The following PAPSS2 variants were observed in gnomAD, a reference collection of about 807,000 sequenced individuals.
PAPSS2 encodes 3'-phosphoadenosine 5'-phosphosulfate synthase 2.
PAPSS2 carries 61 observed loss-of-function variants against 66.5 expected under a neutral mutation model. That is an observed-to-expected ratio of 0.92 (90% confidence interval 0.75 to 1.14). The LOEUF (loss-of-function observed/expected upper bound fraction) is 1.14, where lower values mean the gene tolerates loss of function less well. PAPSS2 is among the 50% of genes most tolerant of loss of function. PAPSS2 has a pLI of 0.00. For missense variants in PAPSS2, 708 were observed against 789.6 expected (o/e 0.90, Z 1.24); for synonymous variants, 289 against 287.5 (o/e 1.01, Z -0.05).
At chr10:87,665,579 C>T (rs1191757148) in intron 1 of PAPSS2, among the ~76,000 whole-genome samples, 1 of 152,210 alleles carries the variant, frequency 6.6e-6, no homozygotes, top group Non-Finnish European at 1.5e-5. Context: ...TGAGAGCCAG[C>T]TTGTGAATAC....
At position 87,747,332 on chromosome 10, in the gene PAPSS2, GTC is replaced by G. The variant is rs1853954370; in HGVS notation, c.*1368_*1369del. 6.6e-6 allele frequency: 1 copy of G among 151,908 alleles called. No individual in the cohort carries two copies. The highest frequency in any genetic ancestry group is 2.4e-5 in the African/African-American group (1 of 41,354). 9.4% of individuals were successfully genotyped at this position (151,908 alleles called of 1,614,324 possible). A position where few individuals can be genotyped will look rare whatever the true frequency, so the allele number is the denominator to read the frequency against. On this transcript the variant is annotated 3_prime_UTR_variant, in exon 13 of 13. Transcript: ENST00000456849. ...AGAAACAGCACCTTTTAATATATAG[GTC>G]TCTCTGGAAGAGACCTAAATTAGAA...
chr10:87,683,336 ACCCACCTCAGGTGATCCG>A (rs1384735040), intron 1 of PAPSS2, among the ~76,000 whole-genome samples: 1 of 151,072 alleles, frequency 6.6e-6, no homozygotes, highest in Non-Finnish European at 1.5e-5. Flanking sequence ...CAGGTGATCC[ACCCACCTCAGGTGATCCG>A]CCCACCTCAG....
chr10:87,735,454 C>T (rs1427911384), intron 9 of PAPSS2, among the ~76,000 whole-genome samples: 1 of 152,176 alleles, frequency 6.6e-6, no homozygotes. Flanking sequence ...ACTGCATCCT[C>T]AGGGGTTTGG....
At chr10:87,702,248 C>T (rs909565571) in intron 1 of PAPSS2, among the ~76,000 whole-genome samples, 2 of 152,194 alleles carry the variant, frequency 1.3e-5, no homozygotes, top group African/African-American at 4.8e-5. Context: ...GGACTGGAAA[C>T]TAGGAGTCCT....
chr10:87,725,849 A>G (rs940212084), intron 8 of PAPSS2, among the ~76,000 whole-genome samples: 9 of 150,962 alleles, frequency 6.0e-5, no homozygotes, highest in Admixed American at 2.0e-4. Flanking sequence ...GTGCATGCCA[A>G]CATGTCCAGC....
At chr10:87,743,320 GA>G in intron 10 of PAPSS2, 52 bp from the exon 11 acceptor site, 1 of 1,578,208 alleles carries the variant, frequency 6.3e-7, no homozygotes, top group Non-Finnish European at 8.7e-7. Flanking sequence ...TTCTTGTGGA[GA>G]AATGACACCA....
chr10:87,734,663 G>GTT (rs1491455056), intron 9 of PAPSS2, among the ~76,000 whole-genome samples: 2 of 81,098 alleles, frequency 2.5e-5, no homozygotes, highest in Non-Finnish European at 4.4e-5. Context: ...GAATGTGTGT[G>GTT]TATATATATA....
chr10:87,729,343 T>C (rs1426560038), intron 9 of PAPSS2, among the ~76,000 whole-genome samples: 1 of 152,122 alleles, frequency 6.6e-6, no homozygotes, highest in African/African-American at 2.4e-5. Context: ...CTGTGTCACA[T>C]TTTGGTGATT....
chr10:87,664,244 A>G (rs1408441596), intron 1 of PAPSS2, among the ~76,000 whole-genome samples: 6 of 152,212 alleles, frequency 3.9e-5, no homozygotes. Context: ...TAATAAGGAA[A>G]AACAAATGCA....
chr10:87,681,021 G>C (rs921304406), intron 1 of PAPSS2, among the ~76,000 whole-genome samples: 1 of 152,160 alleles, frequency 6.6e-6, no homozygotes, highest in African/African-American at 2.4e-5. Context: ...TTTGCCCTTT[G>C]AGGGACATTG....
chr10:87,676,623 C>T (rs1366571059), intron 1 of PAPSS2, among the ~76,000 whole-genome samples: 3 of 152,050 alleles, frequency 2.0e-5, no homozygotes, highest in Non-Finnish European at 4.4e-5. Context: ...GAATTTTGAT[C>T]AACTTTATCT....
chr10:87,707,268 A>C (rs1564718939), intron 1 of PAPSS2, among the ~76,000 whole-genome samples: 1 of 152,220 alleles, frequency 6.6e-6, no homozygotes, highest in South Asian at 2.1e-4. Flanking sequence ...GAAATTTATC[A>C]GCAGCTATTA....
intron 1 of PAPSS2, among the ~76,000 whole-genome samples, chr10:87,705,715 A>G (rs1302621368): frequency 1.3e-5 from 2 of 151,038 alleles, no homozygotes; most frequent in Admixed American, 1.3e-4. Flanking sequence ...ATTTTAAAAT[A>G]TTGGGTTTTC....
chr10:87,703,260 A>G (rs1036518918), intron 1 of PAPSS2, among the ~76,000 whole-genome samples: 8 of 148,454 alleles, frequency 5.4e-5, no homozygotes, highest in Non-Finnish European at 1.0e-4. Context: ...GAGCAGCAAT[A>G]ATGACAACAA....
chr10:87,743,603 A>G lies in PAPSS2; in HGVS notation c.1453A>G (p.Ile485Val). 6.2e-7 allele frequency: 1 copy of G among 1,614,166 alleles called. No homozygotes were observed. Among genetic ancestry groups the G allele is most frequent in the Non-Finnish European group, 8.5e-7 (1 of 1,180,018 alleles). The stretch of plus-strand genomic sequence containing the variant: ...GGATCCCAAGTCAACCATTGTTGCC[A>G]TCTTTCCGTCTCCCATGTTATATGC... ...VLDPKSTIVA[I>V]FPSPMLYAGP... The change falls in exon 11 of 13, where the codon ATC (isoleucine) becomes GTC (valine). Residue 485 changes from isoleucine to valine, a missense_variant. Transcript: ENST00000456849.
chr10:87,696,256 A>G (rs1314391971), intron 1 of PAPSS2, among the ~76,000 whole-genome samples: 1 of 152,218 alleles, frequency 6.6e-6, no homozygotes, highest in Non-Finnish European at 1.5e-5. Flanking sequence ...CCTGTTTCAA[A>G]AAACATAGCT....
intron 1 of PAPSS2, among the ~76,000 whole-genome samples, chr10:87,683,861 T>C (rs1358414106): frequency 6.6e-6 from 1 of 152,094 alleles, no homozygotes; most frequent in Non-Finnish European, 1.5e-5. Context: ...ACTTGGCTAA[T>C]TTTTAAAATT....
intron 9 of PAPSS2, among the ~76,000 whole-genome samples, chr10:87,740,243 C>T (rs1416243138): frequency 6.6e-6 from 1 of 152,054 alleles, no homozygotes. Flanking sequence ...TTGGCAGATT[C>T]CCAGTACTTA....
intron 7 of PAPSS2, among the ~76,000 whole-genome samples, chr10:87,720,319 G>A (rs1853578906): frequency 6.6e-6 from 1 of 152,212 alleles, no homozygotes; most frequent in Non-Finnish European, 1.5e-5. Flanking sequence ...CACCTGGAGA[G>A]CAGCCTGGAG....
Sources: gnomAD v4.1 joint callset for allele counts (sites outside exome capture counted in the v4.1 genomes callset) on GRCh38, gnomAD v4.1.1 for gene constraint, MANE v1.5 for transcripts, NCBI Gene and HGNC (gene_info 2026-07-23, HGNC 2026-07-21) for gene names.